The following ERICH3 variants were observed in gnomAD, a reference collection of about 807,000 sequenced individuals.
The protein encoded by ERICH3 is glutamate-rich protein 3.
A neutral mutation model predicts 131.1 loss-of-function variants in ERICH3; 126 were observed. The observed-to-expected ratio is 0.96, with a 90% confidence interval of 0.83 to 1.11. The LOEUF (loss-of-function observed/expected upper bound fraction) is 1.11, where lower values mean the gene tolerates loss of function less well. Ranked by LOEUF, ERICH3 falls within the 50% of genes most tolerant of loss-of-function variation. The pLI, the probability that ERICH3 is intolerant of heterozygous loss-of-function variation, is 0.00. For missense variants in ERICH3, 2,050 were observed against 1,810.7 expected, an observed-to-expected ratio of 1.13 and a Z score of -2.40; for synonymous variants, 695 against 644.6, an observed-to-expected ratio of 1.08 and a Z score of -1.18.
chr1:74,606,221 C>A (rs1557680374), intron 10 of ERICH3, among the ~76,000 whole-genome samples: 1 of 151,936 alleles, frequency 6.6e-6, no homozygotes, highest in Non-Finnish European at 1.5e-5. Context: ...ATAGGTTGTA[C>A]CTACCTGATG....
intron 6 of ERICH3, among the ~76,000 whole-genome samples, chr1:74,633,818 T>C (rs1184247698): frequency 2.6e-5 from 4 of 152,052 alleles, no homozygotes; most frequent in Admixed American, 2.0e-4. Context: ...AAAATGGTGA[T>C]AGATATTTCC....
Position 74,572,280 on chromosome 1 carries a change from G to A in ERICH3, c.3430C>T (p.Leu1144=). 1.9e-6 allele frequency: 3 copies of A among 1,613,986 alleles called. No individual in the cohort carries two copies. Among genetic ancestry groups the A allele is most frequent in the Non-Finnish European group, 1.7e-6 (2 of 1,180,016 alleles). The change falls in exon 14 of 15, where the codon CTA becomes TTA. Residue 1144 remains leucine, a synonymous_variant. Transcript: ENST00000326665. Reference sequence around the variant, plus strand: ...GTCTCTTTTAGTGAATCTTCTCCTAGAAGCCCTGGATTGTCAGACAACTCA... The same window carrying A: ...GTCTCTTTTAGTGAATCTTCTCCTAAAAGCCCTGGATTGTCAGACAACTCA... ...ASELSDNPGL[L]GEDSLKETVV...
intron 12 of ERICH3, among the ~76,000 whole-genome samples, chr1:74,580,932 G>T (rs544106367): frequency 1.3e-5 from 2 of 152,006 alleles, no homozygotes; most frequent in Non-Finnish European, 2.9e-5. Context: ...CACTTTCCCC[G>T]CCTGGTAGTC....
intron 1 of ERICH3, among the ~76,000 whole-genome samples, chr1:74,654,769 T>C (rs558077416): frequency 2.4e-4 from 36 of 152,258 alleles, no homozygotes; most frequent in South Asian, 4.1e-4. Context: ...GAAGATATGA[T>C]CATCCCCATT....
At chr1:74,576,991 A>T in intron 12 of ERICH3, 55 bp from the exon 13 acceptor site, 1 of 1,495,834 alleles carries the variant, frequency 6.7e-7, no homozygotes, top group Non-Finnish European at 9.0e-7. Flanking sequence ...TGTGAAATGT[A>T]CCATGGTTCT....
intron 9 of ERICH3, among the ~76,000 whole-genome samples, chr1:74,609,105 G>C (rs1346074049): frequency 6.6e-6 from 1 of 152,014 alleles, no homozygotes; most frequent in East Asian, 1.9e-4. Context: ...AAAGCAGTCT[G>C]CATTCTACAT....
chr1:74,656,232 A>G (rs762998336), intron 1 of ERICH3, among the ~76,000 whole-genome samples: 21 of 152,138 alleles, frequency 1.4e-4, no homozygotes, highest in Admixed American at 8.5e-4. Flanking sequence ...TAGATAGCAC[A>G]TCCCTTTTCT....
chr1:74,651,198 G>A (rs1337406146), intron 1 of ERICH3, among the ~76,000 whole-genome samples: 1 of 152,042 alleles, frequency 6.6e-6, no homozygotes, highest in African/African-American at 2.4e-5. Context: ...GATGATATAA[G>A]TGACTCCTTC....
chr1:74,601,784 G>A (rs1648145378), intron 10 of ERICH3, among the ~76,000 whole-genome samples: 1 of 151,792 alleles, frequency 6.6e-6, no homozygotes, highest in Non-Finnish European at 1.5e-5. Flanking sequence ...TGGGAATCAG[G>A]CATTCATGTG....
At chr1:74,586,044 T>C (rs1280758158) in intron 12 of ERICH3, among the ~76,000 whole-genome samples, 2 of 152,116 alleles carry the variant, frequency 1.3e-5, no homozygotes, top group African/African-American at 4.8e-5. Flanking sequence ...TATTCCCTGA[T>C]TCTATATTTC....
In ERICH3 at chr1:74,571,373, T is replaced by C. The variant is rs138038382; in HGVS notation, c.4337A>G (p.Gln1446Arg). The change falls in exon 14 of 15, where the codon CAG becomes CGG. Residue 1446 changes from glutamine to arginine, a missense_variant. Gln to Arg is a conservative substitution (Grantham distance 43, BLOSUM62 1). Coordinates refer to ENST00000326665, the MANE Select transcript of ERICH3 (RefSeq NM_001002912.5). ...GCCCTCTGACCCTTCCTCTTGCTCC[T>C]GTCCTAGCCCTGAGGTCTTCCGCTC... ...ALERKTSGLG[Q>R]EQEEGSEGQE... is the part of the protein sequence containing the mutation. 5 of 1,613,910 alleles carry C rather than the reference T, an allele frequency of 3.1e-6. No homozygotes were observed. The highest frequency in any genetic ancestry group is 1.7e-5 in the Admixed American group (1 of 59,996).
Position 74,611,386 on chromosome 1 carries a change from T to C in ERICH3, c.1187+1237A>G, listed in dbSNP as rs1648687957. Among the ~76,000 whole-genome samples the C allele has an allele frequency of 3.3e-5, 5 of 152,168 alleles. No homozygotes were observed. In the South Asian group the frequency reaches 1.0e-3, roughly 32 times the overall value. ...AATTCTGTAAGCTCTACCTTTAAAATTACTTCTAACTCATTCCACCATTAT... is the reference window on the plus strand; with the variant it reads ...AATTCTGTAAGCTCTACCTTTAAAACTACTTCTAACTCATTCCACCATTAT... On this transcript the variant is annotated intron_variant, in intron 9 of 14. Coordinates refer to ENST00000326665, the MANE Select transcript of ERICH3 (RefSeq NM_001002912.5).
At chr1:74,666,176 T>A (rs1401804916) in intron 1 of ERICH3, among the ~76,000 whole-genome samples, 1 of 152,022 alleles carries the variant, frequency 6.6e-6, no homozygotes, top group Non-Finnish European at 1.5e-5. Flanking sequence ...AAACCATGCT[T>A]TTACTGTCAG....
intron 7 of ERICH3, among the ~76,000 whole-genome samples, chr1:74,628,068 A>G (rs944536666): frequency 2.0e-5 from 3 of 152,200 alleles, no homozygotes; most frequent in Non-Finnish European, 4.4e-5. Flanking sequence ...TAATAATTTC[A>G]TAGCCACCTT....
chr1:74,614,867 A>C (rs1648889277), intron 8 of ERICH3, among the ~76,000 whole-genome samples: 3 of 152,210 alleles, frequency 2.0e-5, no homozygotes, highest in Admixed American at 2.0e-4. Context: ...TCTTAATGAT[A>C]AATGGACTCC....
chr1:74,588,650 G>A (rs1647446452), intron 12 of ERICH3, among the ~76,000 whole-genome samples: 1 of 152,076 alleles, frequency 6.6e-6, no homozygotes, highest in Non-Finnish European at 1.5e-5. Context: ...AGACAGATGA[G>A]AGAGAGCAAC....
In ERICH3 at chr1:74,606,894, A is replaced by G. The variant is rs1648425636; in HGVS notation, c.1196T>C (p.Ile399Thr). Residue 399 changes from isoleucine to threonine, a missense_variant, in exon 10 of 15, where the codon ATT (isoleucine) becomes ACT (threonine). Transcript: ENST00000326665. ...ERSSPCYKCI[I>T]AMGLDKKPSL... ...CGGTTTTTTGTCAAGGCCCATTGCA[A>G]TAATGCACCTATGAAAAATATTAGC... is the stretch of plus-strand genomic sequence containing the variant. 1.9e-6 allele frequency: 3 copies of G among 1,609,266 alleles called. No individual in the cohort carries two copies. The highest frequency in any genetic ancestry group is 2.5e-6 in the Non-Finnish European group (3 of 1,178,048).
At chr1:74,628,112 G>A (rs1459177121) in intron 7 of ERICH3, among the ~76,000 whole-genome samples, 1 of 152,164 alleles carries the variant, frequency 6.6e-6, no homozygotes, top group Non-Finnish European at 1.5e-5. Context: ...AGTGTTGTGA[G>A]TATCCACTTA....
chr1:74,588,393 T>C (rs1647434321), intron 12 of ERICH3, among the ~76,000 whole-genome samples: 1 of 152,166 alleles, frequency 6.6e-6, no homozygotes, highest in African/African-American at 2.4e-5. Context: ...TTACACATTT[T>C]TTATTGACTA....
Sources: allele counts gnomAD v4.1 joint callset (sites outside exome capture counted in the v4.1 genomes callset), GRCh38; gene constraint gnomAD v4.1.1; transcripts MANE v1.5; gene names NCBI Gene and HGNC (gene_info 2026-07-23, HGNC 2026-07-21).